The following KIF16B variants were observed in gnomAD, a reference collection of about 807,000 sequenced individuals.
KIF16B encodes the protein kinesin family member 16B.
Under a neutral mutation model 156.3 loss-of-function variants are expected in KIF16B, and 98 were observed. The ratio of observed to expected loss-of-function variants is 0.63; its 90% CI spans 0.53 to 0.74. The LOEUF is 0.74. Among genes scored for constraint, KIF16B ranks in the 30% least tolerant of loss-of-function variants. The pLI, the probability that KIF16B is intolerant of heterozygous loss-of-function variation, is 0.00. For synonymous variants in KIF16B, 564 were observed against 583.7 expected (o/e 0.97, Z 0.49); for missense variants, 1,421 against 1,606.5 (o/e 0.88, Z 1.97).
intron 12 of KIF16B, among the ~76,000 whole-genome samples, chr20:16,490,657 C>CAGA (rs2068262284): frequency 6.6e-6 from 1 of 152,114 alleles, no homozygotes; most frequent in African/African-American, 2.4e-5. Flanking sequence ...AAGAGAGGAC[C>CAGA]ATCTGCAAGC....
intron 24 of KIF16B, among the ~76,000 whole-genome samples, chr20:16,328,655 G>T (rs182297418): frequency 6.6e-6 from 1 of 152,248 alleles, no homozygotes; most frequent in Admixed American, 6.5e-5. Flanking sequence ...CGTTCGGGCT[G>T]CTATAACAAA....
chr20:16,301,602 T>C (rs528094273), intron 25 of KIF16B, among the ~76,000 whole-genome samples: 95 of 152,290 alleles, frequency 6.2e-4, no homozygotes, highest in African/African-American at 2.1e-3. Context: ...TTTCATATGC[T>C]TATTTGCCTT....
In KIF16B at chr20:16,356,353, C is replaced by A. The variant is rs200695292; in HGVS notation, c.3598G>T (p.Ala1200Ser). The change falls in exon 23 of 26, where the codon GCA becomes TCA. Residue 1200 changes from alanine to serine, a missense_variant. Transcript: ENST00000354981. ...RYVLCGQGKD[A>S]HFEFEVKITV... Reference sequence around the variant, plus strand: ...ACCTTGACCTCAAACTCGAAGTGTGCATCCTTTCCTTGCCCGCAGAGGACG... The same window carrying A: ...ACCTTGACCTCAAACTCGAAGTGTGAATCCTTTCCTTGCCCGCAGAGGACG... 3.1e-4 allele frequency: 497 copies of A among 1,614,036 alleles called. 1 individual carries two copies. Among genetic ancestry groups the A allele is most frequent in the Non-Finnish European group, 4.1e-4 (481 of 1,180,000 alleles).
chr20:16,409,979 A>ATATATATATGTAGG (rs2065886048), intron 15 of KIF16B, among the ~76,000 whole-genome samples: 2 of 71,084 alleles, frequency 2.8e-5, no homozygotes, highest in Admixed American at 1.6e-4. Flanking sequence ...ACATATATAT[A>ATATATATATGTAGG]TATATATATA....
intron 3 of KIF16B, among the ~76,000 whole-genome samples, chr20:16,521,838 C>T (rs551316745): frequency 5.3e-5 from 8 of 152,284 alleles, no homozygotes; most frequent in African/African-American, 1.4e-4. Context: ...AGAAACCCTA[C>T]GTGCCAGAAG....
chr20:16,380,445 T>G (rs2065068067), intron 18 of KIF16B, among the ~76,000 whole-genome samples: 1 of 152,176 alleles, frequency 6.6e-6, no homozygotes. Flanking sequence ...TGATATAATT[T>G]TAAAAGGCCC....
intron 24 of KIF16B, among the ~76,000 whole-genome samples, chr20:16,313,988 T>A (rs905521075): frequency 3.3e-5 from 5 of 152,250 alleles, no homozygotes; most frequent in African/African-American, 1.2e-4. Context: ...AGTGTGTGTG[T>A]GTTCAGCTGT....
chr20:16,324,747 G>C (rs1352359743), intron 24 of KIF16B, among the ~76,000 whole-genome samples: 1 of 151,932 alleles, frequency 6.6e-6, no homozygotes, highest in South Asian at 2.1e-4. Flanking sequence ...CCATCCTATT[G>C]AAACTATTCC....
intron 23 of KIF16B, among the ~76,000 whole-genome samples, chr20:16,337,679 C>G (rs2064065441): frequency 6.6e-6 from 1 of 152,190 alleles, no homozygotes; most frequent in South Asian, 2.1e-4. Flanking sequence ...GTTGGCCTTC[C>G]TCTCTGGCTT....
chr20:16,406,537 T>C (rs1010431309), intron 15 of KIF16B, 81 bp from the exon 16 acceptor site: 5 of 1,163,976 alleles, frequency 4.3e-6, no homozygotes, highest in African/African-American at 3.0e-5. Flanking sequence ...AATTCTACTG[T>C]TGAAATGTAA....
chr20:16,315,266 T>C (rs1164362521), intron 24 of KIF16B, among the ~76,000 whole-genome samples: 6 of 152,166 alleles, frequency 3.9e-5, no homozygotes, highest in Admixed American at 2.0e-4. Context: ...AACACTGTTG[T>C]TCAGATTTTA....
At chr20:16,510,966 T>C (rs2068938264) in intron 6 of KIF16B, among the ~76,000 whole-genome samples, 1 of 152,306 alleles carries the variant, frequency 6.6e-6, no homozygotes, top group South Asian at 2.1e-4. Context: ...CAACTGACTG[T>C]GCCACAACGA....
intron 6 of KIF16B, among the ~76,000 whole-genome samples, chr20:16,508,955 C>T (rs2068873524): frequency 6.6e-6 from 1 of 152,108 alleles, no homozygotes; most frequent in South Asian, 2.1e-4. Context: ...GGTCCCCCGT[C>T]CCTATGCTAT....
chr20:16,547,977 A>T (rs1382770247), intron 1 of KIF16B, among the ~76,000 whole-genome samples: 1 of 152,126 alleles, frequency 6.6e-6, no homozygotes, highest in Admixed American at 6.5e-5. Flanking sequence ...TGGCAGAGGG[A>T]AGCGAGTGTC....
At position 16,289,161 on chromosome 20, in the gene KIF16B, T is replaced by C. The variant is rs1292452506; in HGVS notation, c.3796-15750A>G. Reference sequence around the variant, plus strand: ...AAAGTCTAGTTAGTGTTGAACATCTTATGTAGTTTATTGAATACTGTGCTA... The same window carrying C: ...AAAGTCTAGTTAGTGTTGAACATCTCATGTAGTTTATTGAATACTGTGCTA... On this transcript the variant is annotated intron_variant, in intron 25 of 25. Transcript: ENST00000354981. Among the ~76,000 whole-genome samples the C allele has an allele frequency of 2.6e-5, 4 of 152,150 alleles. No homozygotes were observed. In the East Asian group the frequency reaches 7.8e-4, roughly 29 times the overall value.
At position 16,522,899 on chromosome 20, in the gene KIF16B, C is replaced by CAAT. The variant is rs1346866014; in HGVS notation, c.231+3190_231+3192dup. Among the ~76,000 whole-genome samples the CAAT allele has an allele frequency of 2.0e-5, 3 of 151,984 alleles. No homozygotes were observed. In the East Asian group the frequency reaches 5.8e-4, roughly 29 times the overall value. Reference sequence around the variant, plus strand: ...ACCGCACAATCACATGGAAACTGAACAATCCATCACATAAACAGAACGAAT... The same window carrying CAAT: ...ACCGCACAATCACATGGAAACTGAACAATAATCCATCACATAAACAGAACGAAT... On this transcript the variant is annotated intron_variant, in intron 3 of 25. Transcript: ENST00000354981.
intron 12 of KIF16B, among the ~76,000 whole-genome samples, chr20:16,439,823 T>C (rs565398082): frequency 6.6e-6 from 1 of 152,054 alleles, no homozygotes; most frequent in African/African-American, 2.4e-5. Flanking sequence ...CCATCAGATC[T>C]CTTGAGACTT....
chr20:16,482,810 T>C (rs952334077), intron 12 of KIF16B, among the ~76,000 whole-genome samples: 18 of 152,302 alleles, frequency 1.2e-4, no homozygotes, highest in South Asian at 8.3e-4. Flanking sequence ...GTCCAAGTTC[T>C]ATATTTATGG....
intron 24 of KIF16B, 22 bp from the exon 25 acceptor site, chr20:16,312,440 A>T: frequency 6.6e-7 from 1 of 1,512,692 alleles, no homozygotes; most frequent in Non-Finnish European, 9.2e-7. Context: ...ATTTTAAAAG[A>T]CATGCATTAA....
Sources: gnomAD v4.1 joint callset for allele counts (sites outside exome capture counted in the v4.1 genomes callset) on GRCh38, gnomAD v4.1.1 for gene constraint, MANE v1.5 for transcripts, NCBI Gene and HGNC (gene_info 2026-07-23, HGNC 2026-07-21) for gene names.